The following IGF2BP3 variants were observed in gnomAD, a reference collection of about 807,000 sequenced individuals.
IGF2BP3 encodes the protein insulin like growth factor 2 mRNA binding protein 3.
In IGF2BP3, 9 loss-of-function variants were observed where a neutral mutation model predicts 73.8. The ratio of observed to expected loss-of-function variants is 0.12; its 90% confidence interval spans 0.07 to 0.21. IGF2BP3 has a LOEUF of 0.21. IGF2BP3 is among the 10% of genes least tolerant of loss of function. The pLI is 1.00. For synonymous variants in IGF2BP3, 258 were observed against 256.7 expected, an observed-to-expected ratio of 1.01 and a Z score of -0.05; for missense variants, 542 against 714.0, an observed-to-expected ratio of 0.76 and a Z score of 2.75.
intron 2 of IGF2BP3, among the ~76,000 whole-genome samples, chr7:23,466,271 C>T (rs925130221): frequency 6.6e-6 from 1 of 152,206 alleles, no homozygotes; most frequent in African/African-American, 2.4e-5. Context: ...GATCCACCCA[C>T]CTTGGCCTCC....
intron 3 of IGF2BP3, among the ~76,000 whole-genome samples, chr7:23,366,358 G>A (rs892535380): frequency 1.3e-5 from 2 of 151,874 alleles, no homozygotes; most frequent in African/African-American, 4.8e-5. Flanking sequence ...GGCTGGTCTC[G>A]AACTCCTGAC....
chr7:23,344,319 C>G (rs1784781545), intron 8 of IGF2BP3, among the ~76,000 whole-genome samples: 3 of 152,170 alleles, frequency 2.0e-5, no homozygotes, highest in African/African-American at 7.2e-5. Flanking sequence ...TCTGGGTCAC[C>G]AAGCAAGGAG....
At chr7:23,430,437 A>G (rs889817142) in intron 2 of IGF2BP3, among the ~76,000 whole-genome samples, 3 of 152,234 alleles carry the variant, frequency 2.0e-5, no homozygotes. Context: ...TCAAGTAAAA[A>G]GCCAAGCCTT....
At chr7:23,385,070 A>G (rs1786039515) in intron 3 of IGF2BP3, among the ~76,000 whole-genome samples, 3 of 152,226 alleles carry the variant, frequency 2.0e-5, no homozygotes. Context: ...AAATTTTGGC[A>G]GTAACCAAAT....
chr7:23,448,195 A>T (rs1209533627), intron 2 of IGF2BP3, among the ~76,000 whole-genome samples: 1 of 152,156 alleles, frequency 6.6e-6, no homozygotes, highest in Non-Finnish European at 1.5e-5. Flanking sequence ...GGGGTCCTGA[A>T]ATCATTATTA....
intron 3 of IGF2BP3, among the ~76,000 whole-genome samples, chr7:23,399,308 G>A (rs1786584547): frequency 6.6e-6 from 1 of 151,734 alleles, no homozygotes; most frequent in Non-Finnish European, 1.5e-5. Context: ...ACGAGTTAAT[G>A]GGTGCAGCAC....
intron 3 of IGF2BP3, among the ~76,000 whole-genome samples, chr7:23,400,490 A>G (rs1360594561): frequency 6.6e-6 from 1 of 152,136 alleles, no homozygotes; most frequent in Non-Finnish European, 1.5e-5. Context: ...TGTCTGCCAC[A>G]CCAACATTAC....
intron 10 of IGF2BP3, among the ~76,000 whole-genome samples, chr7:23,329,978 G>A (rs925843382): frequency 4.6e-5 from 7 of 152,140 alleles, no homozygotes; most frequent in African/African-American, 1.7e-4. Flanking sequence ...AATGGGTATA[G>A]ATATGCTTTA....
chr7:23,340,898 G>C (rs1583907753), intron 10 of IGF2BP3, among the ~76,000 whole-genome samples: 1 of 148,204 alleles, frequency 6.7e-6, no homozygotes, highest in Admixed American at 6.8e-5. Flanking sequence ...CGCCCAGGCT[G>C]GAGTGCAATG....
chr7:23,344,742 A>C (rs148248291), intron 8 of IGF2BP3, among the ~76,000 whole-genome samples: 3 of 152,370 alleles, frequency 2.0e-5, no homozygotes, highest in African/African-American at 4.8e-5. Flanking sequence ...ATAATGTCAC[A>C]GGCTAACCTT....
At chr7:23,319,746 G>T (rs979746422) in intron 10 of IGF2BP3, among the ~76,000 whole-genome samples, 2 of 152,146 alleles carry the variant, frequency 1.3e-5, no homozygotes, top group Admixed American at 1.3e-4. Flanking sequence ...GAGAAAAGCT[G>T]AATTTTGTTA....
In IGF2BP3 at chr7:23,437,324, A is replaced by G. The variant is rs980958258; in HGVS notation, c.237-18500T>C. On this transcript the variant is annotated intron_variant, in intron 2 of 14. Transcript: ENST00000258729. ...TGGTGAAACCCCCATCTCTACTAAA[A>G]ACACCAAAAGTAGCCAGGCATGGTG... is the stretch of plus-strand genomic sequence containing the variant. Among the ~76,000 whole-genome samples, 3 of 151,716 alleles carry G rather than the reference A, an allele frequency of 2.0e-5. No individual in the cohort carries two copies. In the South Asian group the frequency reaches 6.2e-4, roughly 32 times the overall value.
intron 10 of IGF2BP3, among the ~76,000 whole-genome samples, chr7:23,323,959 G>C (rs899198293): frequency 2.6e-5 from 4 of 151,878 alleles, no homozygotes; most frequent in African/African-American, 7.3e-5. Context: ...ATGCCCACAA[G>C]AGAAAGCAGG....
chr7:23,331,581 A>T (rs1453163647), intron 10 of IGF2BP3, among the ~76,000 whole-genome samples: 1 of 152,046 alleles, frequency 6.6e-6, no homozygotes, highest in African/African-American at 2.4e-5. Context: ...TTATAAAGAA[A>T]AGGAGTTTAG....
At chr7:23,369,226 G>C (rs1785475632) in intron 3 of IGF2BP3, among the ~76,000 whole-genome samples, 2 of 152,104 alleles carry the variant, frequency 1.3e-5, no homozygotes, top group Non-Finnish European at 2.9e-5. Context: ...ACCACAAGCA[G>C]AACCTAAGTG....
intron 2 of IGF2BP3, 49 bp downstream of exon 2, chr7:23,468,433 C>T: frequency 6.3e-7 from 1 of 1,590,850 alleles, no homozygotes; most frequent in Non-Finnish European, 8.6e-7. Flanking sequence ...TCTCTCCACC[C>T]AATAACGGAG....
chr7:23,358,360 A>T (rs181819412), intron 5 of IGF2BP3, among the ~76,000 whole-genome samples: 66 of 152,308 alleles, frequency 4.3e-4, no homozygotes, highest in Admixed American at 4.1e-3. Flanking sequence ...CCTTTCACCT[A>T]AAGATTGAGC....
chr7:23,361,210 G>C (rs1053437256), intron 5 of IGF2BP3: 7 of 228,618 alleles, frequency 3.1e-5, no homozygotes, highest in African/African-American at 1.2e-4. Context: ...TCATACAAGA[G>C]GGGGAGACGG....
At chr7:23,434,905 A>G (rs1787772486) in intron 2 of IGF2BP3, among the ~76,000 whole-genome samples, 1 of 152,184 alleles carries the variant, frequency 6.6e-6, no homozygotes, top group Non-Finnish European at 1.5e-5. Flanking sequence ...ACTCAGTCAC[A>G]TTAATCCATC....
Sources: gnomAD v4.1 joint callset for allele counts (sites outside exome capture counted in the v4.1 genomes callset) on GRCh38, gnomAD v4.1.1 for gene constraint, MANE v1.5 for transcripts, NCBI Gene and HGNC (gene_info 2026-07-23, HGNC 2026-07-21) for gene names.